Variants in CFAP70 observed in about 807,000 individuals in gnomAD.
CFAP70 encodes the protein cilia and flagella associated protein 70, also known as cilia- and flagella-associated protein 70.
CFAP70 carries 81 observed loss-of-function variants against 137.6 expected under a neutral mutation model. The ratio of observed to expected loss-of-function variants is 0.59; its 90% CI spans 0.49 to 0.71. CFAP70 has a LOEUF of 0.71. CFAP70 is among the 30% of genes least tolerant of loss of function. The probability of loss-of-function intolerance (pLI) is 0.00; values close to 1 mark genes in which losing one functional copy is unlikely to be tolerated. For missense variants in CFAP70, 976 were observed against 1,226.7 expected (o/e 0.80, Z 3.05); for synonymous variants, 382 against 423.6 (o/e 0.90, Z 1.20).
rs55805225 is a variant in CFAP70 at position 73,256,902 on chromosome 10, CAAAAAAAA to C, written c.3028-494_3028-487del. 6.5e-4 allele frequency among the ~76,000 whole-genome samples: 38 copies of C among 58,322 alleles called. No individual in the cohort carries two copies. The South Asian group carries it at 7.5e-3, about 12-fold the overall frequency. The allele number at this position is 58,322 out of a possible 152,430, so 38.3% of individuals were successfully genotyped here. On this transcript the variant is annotated intron_variant, in intron 25 of 26. Transcript: ENST00000310715. ...TGGGCAACAGAGTGAGACTCCATCT[CAAAAAAAA>C]AAAAAAAAAAAAAAAGGAAAAAAAA...
intron 19 of CFAP70, among the ~76,000 whole-genome samples, chr10:73,288,818 A>T (rs2047941569): frequency 6.6e-6 from 1 of 152,238 alleles, no homozygotes; most frequent in African/African-American, 2.4e-5. Context: ...TGACCAGCGG[A>T]AGAGAAGAGA....
At chr10:73,362,835 T>G (rs2055067965), upstream of CFAP70, among the ~76,000 whole-genome samples, 1 of 152,142 alleles carries the variant, frequency 6.6e-6, no homozygotes, top group South Asian at 2.1e-4. Flanking sequence ...GTGGCTATCC[T>G]TGTCTTGTTC....
chr10:73,253,899 G>A (rs946304194), exon 27 of CFAP70: 2 of 1,187,062 alleles, frequency 1.7e-6, no homozygotes, highest in East Asian at 2.4e-5. Flanking sequence ...CCAGCTCCAG[G>A]CTTCATACGG....
In CFAP70 at chr10:73,275,346, C is replaced by T; in HGVS notation, c.2673+100G>A. On this transcript the variant is annotated intron_variant, in intron 22 of 26. Coordinates refer to ENST00000310715, the Ensembl canonical transcript of CFAP70. The surrounding 1 kb of genome is among the most constrained non-coding windows in gnomAD (Gnocchi z 4.0). ...AGATGAGTTTACTGACAGCTGATGA[C>T]CACCCTTCTGTTCACCAGAAATCTA... is the stretch of plus-strand genomic sequence containing the variant. 1 of 1,354,420 alleles carries T rather than the reference C, an allele frequency of 7.4e-7. No homozygotes were observed. Among genetic ancestry groups the T allele is most frequent in the Non-Finnish European group, 1.0e-6 (1 of 999,578 alleles). 83.9% of individuals were successfully genotyped at this position (1,354,420 alleles called of 1,614,324 possible).
chr10:73,317,145 G>A (rs974329681), intron 9 of CFAP70, among the ~76,000 whole-genome samples: 1 of 152,110 alleles, frequency 6.6e-6, no homozygotes, highest in Non-Finnish European at 1.5e-5. Flanking sequence ...AGCCTCTTGA[G>A]CAGCTGGGAT....
At chr10:73,256,485 T>TCAGCTAAGGCAGAGGCACCTA in intron 25 of CFAP70, 69 bp from the exon 27 acceptor site, 9 of 1,569,458 alleles carry the variant, frequency 5.7e-6, no homozygotes, top group Non-Finnish European at 7.9e-6. Flanking sequence ...ATACATTGCC[T>TCAGCTAAGGCAGAGGCACCTA]CAGCTAAGGC....
intron 7 of CFAP70, among the ~76,000 whole-genome samples, chr10:73,333,279 G>C (rs1046331192): frequency 6.6e-6 from 1 of 151,934 alleles, no homozygotes; most frequent in African/African-American, 2.4e-5. Context: ...AAGACTTGTG[G>C]AACAATTACA....
In CFAP70 at chr10:73,275,581, A is replaced by C. The variant is rs769919223; in HGVS notation, c.2538T>G (p.Leu846=). The C allele has an allele frequency of 6.2e-7, 1 of 1,605,298 alleles. No homozygotes were observed. The highest frequency in any genetic ancestry group is 1.7e-5 in the Admixed American group (1 of 58,364). ...CTTGAGGGCATAACAGCTCATGTGC[A>C]AGCACTCTGTGCACATACTGCAAGG... The change falls in exon 22 of 27, where the codon CTT becomes CTG. Residue 846 remains leucine (L), a synonymous_variant. Coordinates refer to ENST00000310715, the Ensembl canonical transcript of CFAP70. The surrounding 1 kb of genome is among the most constrained non-coding windows in gnomAD (Gnocchi z 4.0).
upstream of CFAP70, among the ~76,000 whole-genome samples, chr10:73,360,415 TAA>T (rs2054963700): frequency 6.6e-6 from 1 of 152,256 alleles, no homozygotes; most frequent in South Asian, 2.1e-4. Context: ...ACAAGTGCAA[TAA>T]AGTGTTAACT....
chr10:73,277,359 C>T (rs772232689), exon 21 of CFAP70: 3 of 1,612,308 alleles, frequency 1.9e-6, no homozygotes, highest in East Asian at 4.5e-5. Flanking sequence ...CATTTTGATG[C>T]TTCTGAAAAT....
exon 4 of CFAP70, chr10:73,348,520 T>C (rs770366594): frequency 1.6e-5 from 24 of 1,509,540 alleles, no homozygotes; most frequent in Non-Finnish European, 2.0e-5. Flanking sequence ...CAGTCACAGT[T>C]ACTAGAAAAA....
chr10:73,348,136 A>G lies in CFAP70; in HGVS notation c.349+287T>C. On this transcript the variant is annotated intron_variant, in intron 4 of 26. Coordinates refer to ENST00000310715, the Ensembl canonical transcript of CFAP70. ...CATTGAATGGCAGGCTGAAATGTTGAGAGCTAAAACTCTGATTACCTTAGC... is the reference window on the plus strand; with the variant it reads ...CATTGAATGGCAGGCTGAAATGTTGGGAGCTAAAACTCTGATTACCTTAGC... 1 of 1,609,042 alleles carries G rather than the reference A, an allele frequency of 6.2e-7. No homozygotes were observed. Among genetic ancestry groups the G allele is most frequent in the Non-Finnish European group, 8.5e-7 (1 of 1,175,372 alleles).
chr10:73,286,098 T>C (rs747930541), intron 19 of CFAP70, among the ~76,000 whole-genome samples: 1 of 152,032 alleles, frequency 6.6e-6, no homozygotes. Flanking sequence ...AGAGCTACAC[T>C]CTAAGAGTAA....
intron 25 of CFAP70, among the ~76,000 whole-genome samples, chr10:73,256,843 CAG>C: frequency 7.2e-6 from 1 of 138,272 alleles, no homozygotes; most frequent in African/African-American, 2.7e-5. Context: ...GCAGAGGTTG[CAG>C]TGAGCCGACA....
intron 25 of CFAP70, among the ~76,000 whole-genome samples, chr10:73,262,062 T>C (rs2045303853): frequency 7.5e-6 from 1 of 133,836 alleles, no homozygotes; most frequent in African/African-American, 2.9e-5. Context: ...ATTATATATG[T>C]ATATATGTAT....
intron 4 of CFAP70, among the ~76,000 whole-genome samples, chr10:73,347,281 T>C (rs765640653): frequency 1.4e-4 from 21 of 152,102 alleles, no homozygotes; most frequent in Non-Finnish European, 2.6e-4. Context: ...GAGTACTAAG[T>C]AGGGGAAGAG....
chr10:73,319,583 A>G (rs2050682923), intron 9 of CFAP70, among the ~76,000 whole-genome samples: 1 of 152,140 alleles, frequency 6.6e-6, no homozygotes, highest in African/African-American at 2.4e-5. Context: ...CTCTGCCTTT[A>G]AAAATCATTG....
intron 25 of CFAP70, among the ~76,000 whole-genome samples, chr10:73,261,079 G>C (rs1160748924): frequency 6.6e-6 from 1 of 151,912 alleles, no homozygotes; most frequent in East Asian, 1.9e-4. Context: ...TAATGTACGA[G>C]GATTCCAGTT....
At chr10:73,265,203 T>C (rs1241166261) in intron 25 of CFAP70, among the ~76,000 whole-genome samples, 1 of 151,808 alleles carries the variant, frequency 6.6e-6, no homozygotes, top group Admixed American at 6.6e-5. Flanking sequence ...CCGGCGCCTG[T>C]AGTTCCAGCT....
Sources: gnomAD v4.1 joint callset for allele counts (sites outside exome capture counted in the v4.1 genomes callset) on GRCh38, gnomAD v4.1.1 for gene constraint, Gnocchi (gnomAD v3.1) non-coding constraint, MANE v1.5 for transcripts, NCBI Gene and HGNC (gene_info 2026-07-23, HGNC 2026-07-21) for gene names.